The following GPATCH1 variants were observed in gnomAD, a reference collection of about 807,000 sequenced individuals.
GPATCH1 encodes G patch domain-containing protein 1.
In GPATCH1, 73 loss-of-function variants were observed where a neutral mutation model predicts 114.9. The observed-to-expected ratio is 0.64, with a 90% confidence interval of 0.53 to 0.77. GPATCH1 has a LOEUF of 0.77. Among genes scored for constraint, GPATCH1 ranks in the 30% least tolerant of loss-of-function variants. The pLI, the probability that GPATCH1 is intolerant of heterozygous loss-of-function variation, is 0.00. For missense variants in GPATCH1, 1,058 were observed against 1,144.3 expected, an observed-to-expected ratio of 0.92 and a Z score of 1.09; for synonymous variants, 391 against 428.4, an observed-to-expected ratio of 0.91 and a Z score of 1.08.
intron 9 of GPATCH1, among the ~76,000 whole-genome samples, chr19:33,106,293 T>G (rs1972783914): frequency 6.6e-6 from 1 of 152,226 alleles, no homozygotes; most frequent in African/African-American, 2.4e-5. Flanking sequence ...TGTGAGCCAC[T>G]GCGCCCAGCC....
In GPATCH1 at chr19:33,126,505, G is replaced by A. The variant is rs538257061; in HGVS notation, c.2620-83G>A. 804 of 1,580,166 alleles carry A rather than the reference G, an allele frequency of 5.1e-4. 1 individual carries two copies. Among genetic ancestry groups the A allele is most frequent in the Non-Finnish European group, 6.4e-4 (743 of 1,169,892 alleles). Reference sequence around the variant, plus strand: ...CATTTTTTTGAATGACTCCATCACTGCAGCCTTGTTAACCTTTCATTGTAT... The same window carrying A: ...CATTTTTTTGAATGACTCCATCACTACAGCCTTGTTAACCTTTCATTGTAT... On this transcript the variant is annotated intron_variant, in intron 18 of 19. Transcript: ENST00000170564.
chr19:33,081,344 G>C (rs905935402), intron 1 of GPATCH1, 78 bp downstream of exon 1: 1 of 1,209,716 alleles, frequency 8.3e-7, no homozygotes, highest in Non-Finnish European at 1.2e-6. Flanking sequence ...AGCACAAGTC[G>C]GTGCTGGACC....
chr19:33,097,268 T>G (rs1394158151), intron 7 of GPATCH1, among the ~76,000 whole-genome samples: 1 of 152,184 alleles, frequency 6.6e-6, no homozygotes, highest in Non-Finnish European at 1.5e-5. Flanking sequence ...ATAAACGTGT[T>G]TTTTTTTCAG....
intron 1 of GPATCH1, among the ~76,000 whole-genome samples, chr19:33,083,404 T>C (rs1972501749): frequency 6.7e-6 from 1 of 150,248 alleles, no homozygotes. Context: ...TTGTTTTTTT[T>C]TTTTTTCTGT....
chr19:33,109,835 C>G lies in GPATCH1; in HGVS notation c.1404C>G (p.Asn468Lys). The G allele has an allele frequency of 6.2e-7, 1 of 1,614,010 alleles. No individual in the cohort carries two copies. Among genetic ancestry groups the G allele is most frequent in the Non-Finnish European group, 8.5e-7 (1 of 1,179,934 alleles). Residue 468 changes from asparagine (N) to lysine (K), a missense_variant, in exon 11 of 20, where the codon AAC becomes AAG. By Grantham distance (94) the Asn-to-Lys change is moderately conservative. Around this residue, in one of 3 missense-constraint regions of GPATCH1, gnomAD observed 893 missense variants for 977.4 expected, o/e 0.91. Coordinates refer to ENST00000170564, the MANE Select transcript of GPATCH1 (RefSeq NM_018025.3). Reference protein sequence around the residue: ...AQLKARSLAQNAQSSRAQLSP... With the variant: ...AQLKARSLAQKAQSSRAQLSP... ...TCAAGGCCAGGAGTCTGGCCCAGAA[C>G]GCTCAGAGCAGCAGAGCCCAGCTCT... is the stretch of plus-strand genomic sequence containing the variant.
chr19:33,113,785 A>G lies in GPATCH1; in HGVS notation c.1911A>G (p.Leu637=). ...TTCCCAGTTCAACTTTAGTTGGCTT[A>G]CCAAGAGTGAAGCGTGACAAGTACT... is the stretch of plus-strand genomic sequence containing the variant. The part of the protein sequence containing the change: ...DPYPDSTLVG[L]PRVKRDKYSV... Residue 637 remains leucine (L), a synonymous_variant, in exon 14 of 20, where the codon TTA becomes TTG. Coordinates refer to ENST00000170564, the MANE Select transcript of GPATCH1 (RefSeq NM_018025.3). 6.2e-7 allele frequency: 1 copy of G among 1,613,792 alleles called. No individual in the cohort carries two copies. Among genetic ancestry groups the G allele is most frequent in the Non-Finnish European group, 8.5e-7 (1 of 1,179,756 alleles).
intron 2 of GPATCH1, among the ~76,000 whole-genome samples, chr19:33,090,178 T>G (rs1326147792): frequency 6.6e-6 from 1 of 152,164 alleles, no homozygotes; most frequent in Non-Finnish European, 1.5e-5. Context: ...GTAACCGTGG[T>G]CAGGGAACAA....
chr19:33,114,616 G>T (rs1972896412), intron 15 of GPATCH1, among the ~76,000 whole-genome samples, 197 bp downstream of exon 15: 1 of 152,086 alleles, frequency 6.6e-6, no homozygotes, highest in Non-Finnish European at 1.5e-5. Context: ...GCAAGTTTTT[G>T]TGTGAATATA....
chr19:33,085,287 C>T (rs952578300), intron 1 of GPATCH1, among the ~76,000 whole-genome samples: 13 of 152,122 alleles, frequency 8.5e-5, no homozygotes, highest in African/African-American at 3.1e-4. Context: ...TTATGGCTCA[C>T]TGCAGCCTTG....
intron 17 of GPATCH1, among the ~76,000 whole-genome samples, chr19:33,122,245 T>C (rs1156512648): frequency 1.3e-5 from 2 of 152,012 alleles, no homozygotes; most frequent in Non-Finnish European, 1.5e-5. Context: ...TAACCTCAAG[T>C]GATCCACCTG....
chr19:33,109,448 G>C (rs1326836444), intron 10 of GPATCH1, among the ~76,000 whole-genome samples: 2 of 152,132 alleles, frequency 1.3e-5, no homozygotes, highest in African/African-American at 2.4e-5. Context: ...GAACCCAGGA[G>C]GTTGCAGTGA....
chr19:33,122,313 G>A (rs1249870498), intron 17 of GPATCH1, among the ~76,000 whole-genome samples: 2 of 138,824 alleles, frequency 1.4e-5, no homozygotes, highest in Non-Finnish European at 3.0e-5. Context: ...CTGGTTGTTC[G>A]GCCCTTTAGT....
chr19:33,096,265 C>T lies in GPATCH1; in HGVS notation c.671C>T (p.Pro224Leu). 6.2e-7 allele frequency: 1 copy of T among 1,613,618 alleles called. No individual in the cohort carries two copies. Among genetic ancestry groups the T allele is most frequent in the Non-Finnish European group, 8.5e-7 (1 of 1,179,574 alleles). ...NVTFAPKDVT[P>L]VDFTPKDNVH... ...ACCTTTGCACCCAAAGATGTCACAC[C>T]TGTGGATTTCACACCTAAAGATAAT... The change falls in exon 7 of 20, where the codon CCT (proline) becomes CTT (leucine). Residue 224 changes from proline (P) to leucine (L), a missense_variant. Physicochemically the swap from Pro to Leu is moderately conservative, Grantham distance 98. Coordinates refer to ENST00000170564, the MANE Select transcript of GPATCH1 (RefSeq NM_018025.3).
Position 33,117,850 on chromosome 19 carries a change from A to G in GPATCH1, c.2222A>G (p.Gln741Arg). 2 of 1,613,618 alleles carry G rather than the reference A, an allele frequency of 1.2e-6. No individual in the cohort carries two copies. The highest frequency in any genetic ancestry group is 1.7e-6 in the Non-Finnish European group (2 of 1,179,788). ...ACCGTCAACAAAGATGTGGACGCAC[A>G]GGCTGAAGGAGAAGGGAGCCGCCCA... ...NQTVNKDVDA[Q>R]AEGEGSRPSM... The change falls in exon 16 of 20, where the codon CAG becomes CGG. Residue 741 changes from glutamine to arginine, a missense_variant. By Grantham distance (43) the Gln-to-Arg change is conservative. Around this residue, in one of 3 missense-constraint regions of GPATCH1, gnomAD observed 893 missense variants for 977.4 expected, o/e 0.91. Coordinates refer to ENST00000170564, the MANE Select transcript of GPATCH1 (RefSeq NM_018025.3).
Position 33,126,685 on chromosome 19 carries a change from A to G in GPATCH1, c.2717A>G (p.Gln906Arg). The change falls in exon 19 of 20, where the codon CAG (glutamine) becomes CGG (arginine). Residue 906 changes from glutamine to arginine, a missense_variant. Around this residue, in one of 3 missense-constraint regions of GPATCH1, gnomAD observed 893 missense variants for 977.4 expected, o/e 0.91. Coordinates refer to ENST00000170564, the MANE Select transcript of GPATCH1 (RefSeq NM_018025.3). ...SSESSDSSDS[Q>R]SDEETADVSP... is the part of the protein sequence containing the mutation. Reference sequence around the variant, plus strand: ...GAGAGTTCCGACAGCAGCGACAGCCAGAGTGACGAGGAAACCGCAGACGTG... The same window carrying G: ...GAGAGTTCCGACAGCAGCGACAGCCGGAGTGACGAGGAAACCGCAGACGTG... The G allele has an allele frequency of 6.2e-7, 1 of 1,614,076 alleles. No homozygotes were observed. Among genetic ancestry groups the G allele is most frequent in the South Asian group, 1.1e-5 (1 of 91,072 alleles).
rs769041244 is a variant in GPATCH1 at position 33,088,111 on chromosome 19, ACTT to A, written c.74-22_74-20del. On this transcript the variant is annotated intron_variant, in intron 1 of 19. Coordinates refer to ENST00000170564, the MANE Select transcript of GPATCH1 (RefSeq NM_018025.3). Reference sequence around the variant, plus strand: ...ATCTCCTCTCTTTTTCATTTAAAAAACTTTTTTTTTTTTTTTTTTTAGGTGAAA... The same window carrying A: ...ATCTCCTCTCTTTTTCATTTAAAAAATTTTTTTTTTTTTTTTTAGGTGAAA... 14 of 1,228,014 alleles carry A rather than the reference ACTT, an allele frequency of 1.1e-5. No homozygotes were observed. The African/African-American group carries it at 1.4e-4, about 12-fold the overall frequency. The allele number at this position is 1,228,014 out of a possible 1,614,324, so 76.1% of individuals were successfully genotyped here.
chr19:33,126,437 C>G, intron 18 of GPATCH1, 151 bp from the exon 19 acceptor site: 1 of 1,194,786 alleles, frequency 8.4e-7, no homozygotes, highest in East Asian at 2.6e-5. Flanking sequence ...CCTGTGCTGT[C>G]TTGTTAGGCT....
Position 33,130,316 on chromosome 19 carries a change from G to T in GPATCH1, c.*156G>T. On this transcript the variant is annotated 3_prime_UTR_variant, in exon 20 of 20. Coordinates refer to ENST00000170564, the MANE Select transcript of GPATCH1 (RefSeq NM_018025.3). ...TGACATTTCAAAGACTGCCTTGAAAGGTCGCAGAAATTGATTTCTATTTTT... is the reference window on the plus strand; with the variant it reads ...TGACATTTCAAAGACTGCCTTGAAATGTCGCAGAAATTGATTTCTATTTTT... 2.1e-6 allele frequency: 1 copy of T among 471,054 alleles called. No homozygotes were observed. Among genetic ancestry groups the T allele is most frequent in the South Asian group, 5.5e-5 (1 of 18,254 alleles). The allele number at this position is 471,054 out of a possible 1,614,324, so 29.2% of individuals were successfully genotyped here.
rs1973044018 is a variant in GPATCH1, at chr19:33,126,626, A to G, written c.2658A>G (p.Gln886=). The stretch of plus-strand genomic sequence containing the variant: ...GGAAGCACAAACACAAAGGCAAGCA[A>G]AAGAATAAAAAACCAGAGAAAAGTA... ...KHRKHKHKGK[Q]KNKKPEKSSS... The change falls in exon 19 of 20, where the codon CAA becomes CAG. Residue 886 remains glutamine (Q), a synonymous_variant. Coordinates refer to ENST00000170564, the MANE Select transcript of GPATCH1 (RefSeq NM_018025.3). 6.2e-7 allele frequency: 1 copy of G among 1,613,946 alleles called. No individual in the cohort carries two copies. The highest frequency in any genetic ancestry group is 8.5e-7 in the Non-Finnish European group (1 of 1,179,922).
Sources: gnomAD v4.1 joint callset for allele counts (sites outside exome capture counted in the v4.1 genomes callset) on GRCh38, gnomAD v4.1.1 for gene constraint, gnomAD v4.1.1 regional missense constraint, MANE v1.5 for transcripts, NCBI Gene and HGNC (gene_info 2026-07-23, HGNC 2026-07-21) for gene names.